UNC13C: variants seen among roughly 807,000 people sequenced by gnomAD.
UNC13C encodes unc-13 homolog C.
In UNC13C, 174 loss-of-function variants were observed where a neutral mutation model predicts 245.4. The observed-to-expected ratio is 0.71, with a 90% CI of 0.63 to 0.80. The LOEUF is 0.80. UNC13C is among the 30% of genes least tolerant of loss of function. The pLI is 0.00. For synonymous variants in UNC13C, 992 were observed against 895.1 expected (o/e 1.11, Z -1.93); for missense variants, 2,829 against 2,602.9 (o/e 1.09, Z -1.89).
intron 13 of UNC13C, among the ~76,000 whole-genome samples, chr15:54,315,235 G>A (rs953840896): frequency 1.3e-5 from 2 of 151,582 alleles, no homozygotes; most frequent in African/African-American, 4.8e-5. Context: ...ACTTTACCTT[G>A]GTCATCCCCT....
At chr15:53,997,632 T>C (rs1483265790) in intron 1 of UNC13C, among the ~76,000 whole-genome samples, 1 of 152,102 alleles carries the variant, frequency 6.6e-6, no homozygotes, top group Non-Finnish European at 1.5e-5. Flanking sequence ...ATTGAATTTT[T>C]TGTACCTTTG....
At chr15:54,059,323 G>A (rs1451226595) in intron 2 of UNC13C, among the ~76,000 whole-genome samples, 1 of 152,056 alleles carries the variant, frequency 6.6e-6, no homozygotes, top group Non-Finnish European at 1.5e-5. Context: ...ACCAATAACA[G>A]ACAAACAGAG....
chr15:54,038,131 T>TTTTTTG, intron 2 of UNC13C, among the ~76,000 whole-genome samples: 1 of 115,562 alleles, frequency 8.7e-6, no homozygotes, highest in Non-Finnish European at 1.7e-5. Flanking sequence ...TATATTTTTT[T>TTTTTTG]TTTTTTTTTC....
chr15:54,244,547 T>G (rs917661680), intron 7 of UNC13C, among the ~76,000 whole-genome samples: 1 of 152,202 alleles, frequency 6.6e-6, no homozygotes. Context: ...ATTGAATCTA[T>G]AAATTACTTT....
chr15:54,334,131 C>G (rs1344356851), intron 16 of UNC13C, among the ~76,000 whole-genome samples: 1 of 152,064 alleles, frequency 6.6e-6, no homozygotes, highest in African/African-American at 2.4e-5. Context: ...GGATGTGGCA[C>G]TTAAAAAATT....
intron 30 of UNC13C, among the ~76,000 whole-genome samples, chr15:54,580,622 G>A (rs1236566001): frequency 6.6e-6 from 1 of 151,350 alleles, no homozygotes; most frequent in African/African-American, 2.5e-5. Context: ...TGGAGTTGCT[G>A]GGAGAACTAC....
chr15:53,848,446 G>C, the UNC13C span, among the ~76,000 whole-genome samples: 1 of 152,004 alleles, frequency 6.6e-6, no homozygotes, highest in Admixed American at 6.6e-5. Context: ...ATAGTATTCT[G>C]TTTTATTGCT....
intron 19 of UNC13C, among the ~76,000 whole-genome samples, chr15:54,428,316 G>T (rs893343315): frequency 6.6e-6 from 1 of 151,658 alleles, no homozygotes; most frequent in Admixed American, 6.6e-5. Context: ...TGGAGGCCCT[G>T]TCTCTGAACT....
chr15:54,516,731 C>T (rs918940230), intron 24 of UNC13C, among the ~76,000 whole-genome samples: 5 of 144,726 alleles, frequency 3.5e-5, no homozygotes, highest in Middle Eastern at 3.4e-3. Flanking sequence ...ACCCTAGAGG[C>T]GGAGGTTGCA....
chr15:54,599,186 C>T (rs1026310703), intron 30 of UNC13C, among the ~76,000 whole-genome samples: 1 of 151,972 alleles, frequency 6.6e-6, no homozygotes, highest in Non-Finnish European at 1.5e-5. Flanking sequence ...TATTATCATT[C>T]CCATCTTACC....
chr15:54,610,953 T>A (rs1158588188), intron 30 of UNC13C, among the ~76,000 whole-genome samples: 1 of 152,232 alleles, frequency 6.6e-6, no homozygotes, highest in African/African-American at 2.4e-5. Flanking sequence ...TTTAGACAAC[T>A]ATACTTTTTT....
At chr15:54,606,442 T>G (rs1899770990) in intron 30 of UNC13C, among the ~76,000 whole-genome samples, 1 of 152,204 alleles carries the variant, frequency 6.6e-6, no homozygotes, top group Admixed American at 6.5e-5. Flanking sequence ...TTTGTGGGTT[T>G]CTTAGGGGAA....
intron 11 of UNC13C, among the ~76,000 whole-genome samples, chr15:54,295,099 T>A (rs1370068023): frequency 1.3e-5 from 2 of 152,154 alleles, no homozygotes; most frequent in African/African-American, 4.8e-5. Flanking sequence ...TGGAGTAGAA[T>A]TTTTACCTCT....
At chr15:54,006,387 ATAGTAT>A (rs1427874748) in intron 1 of UNC13C, among the ~76,000 whole-genome samples, 1 of 152,154 alleles carries the variant, frequency 6.6e-6, no homozygotes, top group African/African-American at 2.4e-5. Context: ...TTTTTAAAAA[ATAGTAT>A]ATTAGCTTAG....
chr15:54,624,076 T>C, intron 32 of UNC13C, 122 bp downstream of exon 32: 6 of 1,204,648 alleles, frequency 5.0e-6, no homozygotes, highest in African/African-American at 1.5e-5. Flanking sequence ...TTTAGTTCCC[T>C]TCCATTCATT....
the UNC13C span, among the ~76,000 whole-genome samples, chr15:53,925,407 C>T: frequency 2.0e-5 from 3 of 152,276 alleles, no homozygotes; most frequent in East Asian, 5.8e-4. Flanking sequence ...ACAGCCTGTC[C>T]TTCCCATGAG....
chr15:54,270,587 A>G (rs779700749), intron 10 of UNC13C, among the ~76,000 whole-genome samples: 2 of 152,148 alleles, frequency 1.3e-5, no homozygotes, highest in African/African-American at 4.8e-5. Flanking sequence ...TACACTAAAT[A>G]TGACAGTAAT....
At chr15:54,128,046 A>T (rs902694898) in intron 2 of UNC13C, among the ~76,000 whole-genome samples, 2 of 152,192 alleles carry the variant, frequency 1.3e-5, no homozygotes, top group Non-Finnish European at 1.5e-5. Context: ...GACTCCTGGC[A>T]CTGATAAATA....
At chr15:54,403,954 A>G (rs1387123545) in intron 18 of UNC13C, among the ~76,000 whole-genome samples, 2 of 152,140 alleles carry the variant, frequency 1.3e-5, no homozygotes, top group Non-Finnish European at 2.9e-5. Flanking sequence ...ATTCGTAAGG[A>G]TGGCTTGTAA....
Sources: allele counts gnomAD v4.1 joint callset (sites outside exome capture counted in the v4.1 genomes callset), GRCh38; gene constraint gnomAD v4.1.1; transcripts MANE v1.5; gene names NCBI Gene and HGNC (gene_info 2026-07-23, HGNC 2026-07-21).